The following DEPDC5 variants were observed in gnomAD, a reference collection of about 807,000 sequenced individuals.
DEPDC5 encodes the protein DEP domain containing 5, GATOR1 subcomplex subunit.
Under a neutral mutation model 217.3 loss-of-function variants are expected in DEPDC5, and 73 were observed. That is an observed-to-expected ratio of 0.34 (90% CI 0.28 to 0.41). DEPDC5 has a LOEUF of 0.41. Ranked by LOEUF, DEPDC5 falls within the 10% of genes least tolerant of loss-of-function variation. The pLI is 1.00. For missense variants in DEPDC5, 1,675 were observed against 2,070.1 expected, an observed-to-expected ratio of 0.81 and a Z score of 3.70; for synonymous variants, 733 against 756.7, an observed-to-expected ratio of 0.97 and a Z score of 0.51.
intron 8 of DEPDC5, among the ~76,000 whole-genome samples, chr22:31,782,394 C>A (rs2084544401): frequency 6.6e-6 from 1 of 152,162 alleles, no homozygotes. Context: ...GCCTCAGCCT[C>A]CCAAAGTGCT....
chr22:31,754,613 T>TG (rs1246551321), intron 1 of DEPDC5, among the ~76,000 whole-genome samples: 3 of 152,240 alleles, frequency 2.0e-5, no homozygotes, highest in African/African-American at 7.2e-5. Flanking sequence ...GCTTCCCCTA[T>TG]GGGGGTGTGA....
chr22:31,792,465 G>T (rs1029503249), intron 11 of DEPDC5, among the ~76,000 whole-genome samples: 1 of 151,910 alleles, frequency 6.6e-6, no homozygotes, highest in African/African-American at 2.4e-5. Flanking sequence ...AATTAGCCAG[G>T]TGTGGTGGCA....
At chr22:31,861,833 G>T (rs1448113861) in intron 33 of DEPDC5, among the ~76,000 whole-genome samples, 2 of 152,224 alleles carry the variant, frequency 1.3e-5, no homozygotes, top group African/African-American at 4.8e-5. Flanking sequence ...CAGTGTGGCA[G>T]GAAGTGGTGA....
intron 14 of DEPDC5, among the ~76,000 whole-genome samples, chr22:31,802,123 A>AT (rs2086926619): frequency 6.8e-6 from 1 of 146,292 alleles, no homozygotes; most frequent in African/African-American, 2.5e-5. Context: ...TAACAGCATG[A>AT]ATTTTTTTTT....
At chr22:31,880,081 A>T (rs1029233596) in intron 38 of DEPDC5, 1 of 314,698 alleles carries the variant, frequency 3.2e-6, no homozygotes. Context: ...TGCTCATTGC[A>T]CCAGCTAGTT....
chr22:31,893,902 A>G (rs953848719), intron 39 of DEPDC5, 151 bp downstream of exon 39: 6 of 920,818 alleles, frequency 6.5e-6, no homozygotes, highest in Middle Eastern at 3.6e-4. Flanking sequence ...TAAAAAATTT[A>G]AACATAGTAA....
At chr22:31,854,059 C>T (rs2092165264) in intron 31 of DEPDC5, among the ~76,000 whole-genome samples, 1 of 152,212 alleles carries the variant, frequency 6.6e-6, no homozygotes, top group Admixed American at 6.5e-5. Flanking sequence ...GTCACTACCT[C>T]CATGGAGGTG....
At chr22:31,813,443 A>T (rs1247442040) in intron 20 of DEPDC5, among the ~76,000 whole-genome samples, 2 of 152,170 alleles carry the variant, frequency 1.3e-5, no homozygotes, top group Admixed American at 1.3e-4. Context: ...TTACTGTGGA[A>T]AGAACAAACA....
chr22:31,831,909 T>C (rs2090627393), intron 24 of DEPDC5, among the ~76,000 whole-genome samples: 1 of 152,232 alleles, frequency 6.6e-6, no homozygotes, highest in African/African-American at 2.4e-5. Flanking sequence ...CAAAATTCCC[T>C]TGTGCTGTTG....
chr22:31,878,620 G>A (rs894551892), intron 37 of DEPDC5, among the ~76,000 whole-genome samples: 2 of 152,044 alleles, frequency 1.3e-5, no homozygotes, highest in Non-Finnish European at 2.9e-5. Flanking sequence ...AGCTGAAATG[G>A]GAGGATTGCT....
At position 31,846,967 on chromosome 22, in the gene DEPDC5, A is replaced by G. The variant is rs200277794; in HGVS notation, c.3155A>G (p.Lys1052Arg). 141 of 1,614,158 alleles carry G rather than the reference A, an allele frequency of 8.7e-5. 1 individual carries two copies. The African/African-American group carries it at 1.6e-3, about 18-fold the overall frequency. The change falls in exon 31 of 43, where the codon AAG (lysine) becomes AGG (arginine). Residue 1052 changes from lysine (K) to arginine (R), a missense_variant and splice_region_variant. Coordinates refer to ENST00000651528, the MANE Select transcript of DEPDC5 (RefSeq NM_001242896.3). ...CTGTTGGAGATGGAGGCCAGTCAGA[A>G]GTAAGTGCTTGGTGGAAGACTGACT... is the stretch of plus-strand genomic sequence containing the variant. ...SALLEMEASQ[K>R]CLGEQQAAVH...
Position 31,879,684 on chromosome 22 carries a change from C to T in DEPDC5, c.3965C>T (p.Ser1322Phe). 1 of 1,614,154 alleles carries T rather than the reference C, an allele frequency of 6.2e-7. No individual in the cohort carries two copies. Among genetic ancestry groups the T allele is most frequent in the Non-Finnish European group, 8.5e-7 (1 of 1,180,032 alleles). The change falls in exon 38 of 43, where the codon TCC (serine) becomes TTC (phenylalanine). Residue 1322 changes from serine to phenylalanine, a missense_variant. By Grantham distance (155) the Ser-to-Phe change is radical. Transcript: ENST00000651528. ...LLPWLPSRPA[S>F]YASRHSSFSR... ...CCCTGGCTGCCTAGCCGGCCAGCCT[C>T]CTATGCAAGTAGGCACAGCTCCTTT...
chr22:31,851,080 A>G (rs1039272774), intron 31 of DEPDC5, among the ~76,000 whole-genome samples: 2 of 152,092 alleles, frequency 1.3e-5, no homozygotes, highest in Non-Finnish European at 2.9e-5. Context: ...AAAAAAAAAA[A>G]AAAAATCCAG....
chr22:31,786,854 C>T (rs987500475), intron 10 of DEPDC5, among the ~76,000 whole-genome samples: 1 of 152,004 alleles, frequency 6.6e-6, no homozygotes, highest in Non-Finnish European at 1.5e-5. Flanking sequence ...AAGTGATTCT[C>T]CCACCTGCCT....
chr22:31,891,285 C>T (rs2093433268), intron 38 of DEPDC5: 1 of 507,944 alleles, frequency 2.0e-6, no homozygotes, highest in Admixed American at 2.9e-5. Context: ...AAGCAAAAAA[C>T]ATATCACTTA....
intron 38 of DEPDC5, among the ~76,000 whole-genome samples, chr22:31,892,356 A>G (rs2093453921): frequency 6.6e-6 from 1 of 152,216 alleles, no homozygotes; most frequent in Non-Finnish European, 1.5e-5. Context: ...CTTTTAGAGC[A>G]GTTTTCGGTT....
intron 8 of DEPDC5, among the ~76,000 whole-genome samples, chr22:31,782,208 G>GC (rs2084524706): frequency 6.6e-6 from 1 of 151,080 alleles, no homozygotes; most frequent in Non-Finnish European, 1.5e-5. Flanking sequence ...TATGATCTTG[G>GC]CTCACTGCAT....
At chr22:31,842,142 T>C (rs16989542) in intron 27 of DEPDC5, among the ~76,000 whole-genome samples, 5,557 of 152,310 alleles carry the variant, frequency 0.036, 157 homozygotes, top group African/African-American at 0.08. Context: ...GGGTGACAGA[T>C]ATACGCACAA....
chr22:31,798,289 G>A (rs1389672574), intron 13 of DEPDC5, among the ~76,000 whole-genome samples: 3 of 152,116 alleles, frequency 2.0e-5, no homozygotes, highest in Admixed American at 2.0e-4. Context: ...CCAGCACAAG[G>A]CAGGCGGATC....
Sources: gnomAD v4.1 joint callset for allele counts (sites outside exome capture counted in the v4.1 genomes callset) on GRCh38, gnomAD v4.1.1 for gene constraint, MANE v1.5 for transcripts, NCBI Gene and HGNC (gene_info 2026-07-23, HGNC 2026-07-21) for gene names.